Variants in TBCD observed in about 807,000 individuals in gnomAD.
The protein encoded by TBCD is tubulin folding cofactor D.
TBCD carries 105 observed loss-of-function variants against 169.3 expected under a neutral mutation model. The observed-to-expected ratio is 0.62, with a 90% confidence interval of 0.53 to 0.73. The LOEUF (loss-of-function observed/expected upper bound fraction) is 0.73, where lower values mean the gene tolerates loss of function less well. Among genes scored for constraint, TBCD ranks in the 30% least tolerant of loss-of-function variants. TBCD has a pLI of 0.00. For missense variants in TBCD, 1,444 were observed against 1,600.1 expected, an observed-to-expected ratio of 0.90 and a Z score of 1.66; for synonymous variants, 700 against 643.9, an observed-to-expected ratio of 1.09 and a Z score of -1.32.
intron 23 of TBCD, among the ~76,000 whole-genome samples, chr17:82,914,515 C>T (rs116441632): frequency 0.019 from 2,860 of 152,334 alleles, 92 homozygotes; most frequent in African/African-American, 0.065. Flanking sequence ...TGCTGGAGTG[C>T]GGTGTTTGCA....
At chr17:82,801,083 G>A in intron 9 of TBCD, 87 bp downstream of exon 9, 1 of 1,366,892 alleles carries the variant, frequency 7.3e-7, no homozygotes, top group South Asian at 1.4e-5. Context: ...TGAGGGCGGG[G>A]CAGGTGCTGT....
At chr17:82,865,629 C>T in intron 13 of TBCD, 1 of 775,288 alleles carries the variant, frequency 1.3e-6, no homozygotes, top group South Asian at 5.8e-5. Context: ...CCAGCTACAT[C>T]TGCAGAAGTC....
intron 7 of TBCD, among the ~76,000 whole-genome samples, chr17:82,796,350 T>C (rs769520906): frequency 4.6e-5 from 7 of 152,232 alleles, no homozygotes; most frequent in Non-Finnish European, 8.8e-5. Flanking sequence ...CTTTCGATTT[T>C]ATATTTCACA....
chr17:82,859,704 C>T (rs778842925), intron 13 of TBCD: 999 of 985,304 alleles, frequency 1.0e-3, no homozygotes, highest in Non-Finnish European at 1.2e-3. Flanking sequence ...GCTTGCCCGC[C>T]GGGAGTGTGG....
At chr17:82,811,919 G>A (rs545260704) in intron 12 of TBCD, among the ~76,000 whole-genome samples, 1 of 152,282 alleles carries the variant, frequency 6.6e-6, no homozygotes, top group African/African-American at 2.4e-5. Flanking sequence ...GCACCCAGGA[G>A]GGTTAACTTA....
Position 82,939,339 on chromosome 17 carries a change from C to T in TBCD, c.3370-28C>T, listed in dbSNP as rs3744156. The T allele has an allele frequency of 0.21, 329,292 of 1,581,506 alleles. 35,640 individuals are homozygous for T. The highest frequency in any genetic ancestry group is 0.25 in the Admixed American group (14,708 of 58,042). On this transcript the variant is annotated intron_variant, in intron 36 of 38. Transcript: ENST00000355528. ...GGGGTGGGGCGGTGGCGCTTCCCTC[C>T]GGCAAATGCACTGCATCCCTGTCCC... is the stretch of plus-strand genomic sequence containing the variant.
At chr17:82,800,838 G>A in intron 8 of TBCD, 26 bp from the exon 9 acceptor site, 6 of 1,605,952 alleles carry the variant, frequency 3.7e-6, no homozygotes, top group Non-Finnish European at 5.1e-6. Flanking sequence ...AGCCCTTCCT[G>A]CGCTGAGTCC....
chr17:82,938,788 T>A (rs1013887307), intron 36 of TBCD, among the ~76,000 whole-genome samples: 6 of 142,632 alleles, frequency 4.2e-5, no homozygotes, highest in African/African-American at 1.5e-4. Context: ...CAGGCGAGAT[T>A]GCTTCCCTGA....
At position 82,930,302 on chromosome 17, in the gene TBCD, G is replaced by A. The variant is rs557035097; in HGVS notation, c.2992-220G>A. ...CCGCATGTCCTAAGTGAGGGCTCAG[G>A]CTGAGCTGCCGTTGCCGAGAGCCTT... On this transcript the variant is annotated intron_variant, in intron 32 of 38. Transcript: ENST00000355528. This position sits in a 1 kb window ranked among gnomAD's most constrained non-coding sequence, Gnocchi z 5.2. 95 of 592,522 alleles carry A rather than the reference G, an allele frequency of 1.6e-4. No homozygotes were observed. The highest frequency in any genetic ancestry group is 2.5e-4 in the Non-Finnish European group (86 of 344,810). 36.7% of individuals were successfully genotyped at this position (592,522 alleles called of 1,614,324 possible).
At chr17:82,810,785 G>T (rs925064647) in intron 12 of TBCD, among the ~76,000 whole-genome samples, 10 of 152,242 alleles carry the variant, frequency 6.6e-5, no homozygotes, top group Non-Finnish European at 1.5e-4. Context: ...CGTGGCGAAA[G>T]CTGTGCTGTC....
chr17:82,888,209 G>C (rs1156511042), intron 15 of TBCD, among the ~76,000 whole-genome samples: 1 of 152,216 alleles, frequency 6.6e-6, no homozygotes, highest in Non-Finnish European at 1.5e-5. Context: ...CGTGTTTTCT[G>C]TTCTGCTGGT....
At chr17:82,907,542 A>G (rs1162768594) in intron 20 of TBCD, among the ~76,000 whole-genome samples, 1 of 152,236 alleles carries the variant, frequency 6.6e-6, no homozygotes, top group Non-Finnish European at 1.5e-5. Flanking sequence ...ATGCAATGTA[A>G]AACAATACAG....
At chr17:82,847,045 T>C (rs1266306831) in intron 13 of TBCD, among the ~76,000 whole-genome samples, 1 of 152,152 alleles carries the variant, frequency 6.6e-6, no homozygotes, top group East Asian at 1.9e-4. Context: ...CGAGGAGACA[T>C]TTGGTTTCTC....
intron 17 of TBCD, among the ~76,000 whole-genome samples, chr17:82,898,461 G>A (rs1567986212): frequency 6.6e-6 from 1 of 151,966 alleles, no homozygotes; most frequent in African/African-American, 2.4e-5. Context: ...CAGAGGCTTC[G>A]TTTTCTTTTC....
intron 13 of TBCD, among the ~76,000 whole-genome samples, chr17:82,842,082 C>T (rs1385676703): frequency 2.0e-5 from 3 of 152,368 alleles, no homozygotes; most frequent in Non-Finnish European, 4.4e-5. Flanking sequence ...AGATGCAAGG[C>T]GGGAGCCGAG....
chr17:82,799,171 G>C (rs1027794656), intron 8 of TBCD, among the ~76,000 whole-genome samples: 1 of 152,158 alleles, frequency 6.6e-6, no homozygotes, highest in Admixed American at 6.5e-5. Context: ...CGGACTGGGC[G>C]TTGTGGCTCA....
At chr17:82,935,434 G>T (rs183017310) in intron 34 of TBCD, among the ~76,000 whole-genome samples, 1 of 152,202 alleles carries the variant, frequency 6.6e-6, no homozygotes, top group African/African-American at 2.4e-5. Flanking sequence ...TTCTCAGCCT[G>T]CCACTCACAG....
chr17:82,926,496 G>A lies in TBCD; in HGVS notation c.2471+5G>A, dbSNP rs1313750754. On this transcript the variant is annotated splice_donor_5th_base_variant and intron_variant, in intron 28 of 38. Transcript: ENST00000355528. Reference sequence around the variant, plus strand: ...CGGCTTGAAGGCCATTGCGAGGTGAGTCCCAACAGTTCCTCCCTAAAGTCG... The same window carrying A: ...CGGCTTGAAGGCCATTGCGAGGTGAATCCCAACAGTTCCTCCCTAAAGTCG... 2 of 1,613,206 alleles carry A rather than the reference G, an allele frequency of 1.2e-6. No individual in the cohort carries two copies. The highest frequency in any genetic ancestry group is 4.5e-5 in the East Asian group (2 of 44,854).
chr17:82,831,349 T>C lies in TBCD; in HGVS notation c.1318+16415T>C. 6.2e-7 allele frequency: 1 copy of C among 1,614,036 alleles called. No individual in the cohort carries two copies. On this transcript the variant is annotated intron_variant, in intron 13 of 38. Transcript: ENST00000355528. The surrounding 1 kb of genome is among the most constrained non-coding windows in gnomAD (Gnocchi z 4.6). ...GAACTCGACGTGTTTTCTGTTGGGG[T>C]CCGAAGGGTTTAACCTGGAAGGACT...
Sources: allele counts gnomAD v4.1 joint callset (sites outside exome capture counted in the v4.1 genomes callset), GRCh38; gene constraint gnomAD v4.1.1; non-coding constraint Gnocchi (gnomAD v3.1); transcripts MANE v1.5; gene names NCBI Gene and HGNC (gene_info 2026-07-23, HGNC 2026-07-21).